The following AMOTL1 variants were observed in gnomAD, a reference collection of about 807,000 sequenced individuals.
AMOTL1 encodes angiomotin-like protein 1.
AMOTL1 carries 45 observed loss-of-function variants against 102.9 expected under a neutral mutation model. The observed-to-expected ratio is 0.44, with a 90% confidence interval of 0.34 to 0.56. The LOEUF is 0.56. Ranked by LOEUF, AMOTL1 falls within the 20% of genes least tolerant of loss-of-function variation. The pLI is 0.01. For synonymous variants in AMOTL1, 481 were observed against 484.7 expected (o/e 0.99, Z 0.10); for missense variants, 1,114 against 1,225.6 (o/e 0.91, Z 1.36).
At chr11:94,719,705 G>A (rs1591889012) in intron 1 of AMOTL1, among the ~76,000 whole-genome samples, 1 of 152,116 alleles carries the variant, frequency 6.6e-6, no homozygotes, top group East Asian at 1.9e-4. Context: ...TGATGAGTGA[G>A]CCTTCTCACT....
chr11:94,709,401 T>A (rs1403909537), intron 1 of AMOTL1, among the ~76,000 whole-genome samples: 1 of 152,214 alleles, frequency 6.6e-6, no homozygotes, highest in Non-Finnish European at 1.5e-5. Context: ...GTTTGCCAAT[T>A]TTCATGGTGT....
intron 11 of AMOTL1, chr11:94,866,554 GTGTCT>G (rs1335093578): frequency 4.2e-6 from 1 of 239,942 alleles, no homozygotes; most frequent in Admixed American, 5.1e-5. Flanking sequence ...AGGGAGGACA[GTGTCT>G]GCCTGCTTTA....
chr11:94,801,858 CAT>C (rs1333551154), intron 3 of AMOTL1, among the ~76,000 whole-genome samples: 1 of 152,180 alleles, frequency 6.6e-6, no homozygotes, highest in Non-Finnish European at 1.5e-5. Flanking sequence ...ACAGAAAAGA[CAT>C]GTGGCCACTG....
At chr11:94,779,681 CAG>C (rs1951079466) in intron 1 of AMOTL1, among the ~76,000 whole-genome samples, 1 of 152,050 alleles carries the variant, frequency 6.6e-6, no homozygotes, top group Non-Finnish European at 1.5e-5. Flanking sequence ...CAGAATAGGA[CAG>C]AATCTCCAGA....
At chr11:94,747,402 C>T (rs976626461) in intron 3 of AMOTL1, among the ~76,000 whole-genome samples, 4 of 152,138 alleles carry the variant, frequency 2.6e-5, no homozygotes, top group African/African-American at 9.7e-5. Flanking sequence ...TGGGAGCCAC[C>T]AGGGCTAACT....
At position 94,872,171 on chromosome 11, in the gene AMOTL1, T is replaced by C. The variant is rs1953011229; in HGVS notation, c.*1376T>C. On this transcript the variant is annotated 3_prime_UTR_variant, in exon 13 of 13. Coordinates refer to ENST00000433060, the MANE Select transcript of AMOTL1 (RefSeq NM_130847.3). ...CCACGGAAAAGAGGCAGGAGTGTGT[T>C]AGGTGGTGGGTCCATTAGACCTCTG... 6.6e-6 allele frequency: 1 copy of C among 152,172 alleles called. No individual in the cohort carries two copies. Among genetic ancestry groups the C allele is most frequent in the South Asian group, 2.1e-4 (1 of 4,830 alleles). The allele number at this position is 152,172 out of a possible 1,614,324, so 9.4% of individuals were successfully genotyped here. A position where few individuals can be genotyped will look rare whatever the true frequency, so the allele number is the denominator to read the frequency against.
chr11:94,714,106 G>T (rs1950059048), intron 1 of AMOTL1, among the ~76,000 whole-genome samples: 1 of 151,974 alleles, frequency 6.6e-6, no homozygotes, highest in African/African-American at 2.4e-5. Context: ...ATGAGTGTTT[G>T]CTTGTTACAT....
chr11:94,740,958 T>C (rs1950515274), exon 3 of AMOTL1: 1 of 1,289,026 alleles, frequency 7.8e-7, no homozygotes, highest in Non-Finnish European at 1.0e-6. Context: ...TGTGGAAGCC[T>C]CGCCCGCATC....
intron 3 of AMOTL1, among the ~76,000 whole-genome samples, chr11:94,801,679 C>T (rs1476791549): frequency 1.3e-5 from 2 of 152,120 alleles, no homozygotes; most frequent in South Asian, 4.2e-4. Context: ...GGAAATAGAA[C>T]TGACAGGGTT....
chr11:94,814,536 G>C (rs1951734370), intron 3 of AMOTL1, among the ~76,000 whole-genome samples: 1 of 152,150 alleles, frequency 6.6e-6, no homozygotes. Context: ...GTGTCAGAAG[G>C]GAACAGGACA....
intron 6 of AMOTL1, among the ~76,000 whole-genome samples, chr11:94,846,052 C>T (rs1441464254): frequency 1.3e-5 from 2 of 152,180 alleles, no homozygotes; most frequent in Non-Finnish European, 2.9e-5. Context: ...CTTGTTATCT[C>T]CCGAAGGATG....
chr11:94,857,453 A>G (rs939484556), intron 8 of AMOTL1, among the ~76,000 whole-genome samples: 1 of 152,208 alleles, frequency 6.6e-6, no homozygotes, highest in Non-Finnish European at 1.5e-5. Flanking sequence ...GGACTAGCAG[A>G]AAGAAAAGCT....
intron 3 of AMOTL1, among the ~76,000 whole-genome samples, chr11:94,821,152 T>A (rs1000520335): frequency 4.6e-5 from 7 of 152,192 alleles, no homozygotes; most frequent in Non-Finnish European, 1.0e-4. Flanking sequence ...AGAGACTCCT[T>A]CTCTGCTCTC....
At chr11:94,774,462 G>A (rs1305011695) in intron 1 of AMOTL1, among the ~76,000 whole-genome samples, 1 of 152,196 alleles carries the variant, frequency 6.6e-6, no homozygotes, top group Non-Finnish European at 1.5e-5. Context: ...CAGGGCTGAT[G>A]TCACCAGGCC....
intron 1 of AMOTL1, among the ~76,000 whole-genome samples, chr11:94,779,076 C>T (rs950406236): frequency 2.0e-5 from 3 of 152,146 alleles, no homozygotes; most frequent in Non-Finnish European, 4.4e-5. Context: ...GATGTAGACC[C>T]ACCTTTCCAC....
intron 2 of AMOTL1, among the ~76,000 whole-genome samples, chr11:94,736,462 G>C (rs1950440124): frequency 6.6e-6 from 1 of 152,072 alleles, no homozygotes; most frequent in African/African-American, 2.4e-5. Context: ...ATGTTGGCCA[G>C]GCTGCTTTTG....
chr11:94,830,204 T>C lies in AMOTL1; in HGVS notation c.1558+10T>C. On this transcript the variant is annotated intron_variant, in intron 5 of 12. Coordinates refer to ENST00000433060, the MANE Select transcript of AMOTL1 (RefSeq NM_130847.3). ...AACAGAGACCTCCGAGGCAGGTTTA[T>C]TCATGTTCTCTCTATCTAAACTACC... 6.3e-7 allele frequency: 1 copy of C among 1,591,440 alleles called. No individual in the cohort carries two copies. Among genetic ancestry groups the C allele is most frequent in the Non-Finnish European group, 8.5e-7 (1 of 1,171,356 alleles).
chr11:94,811,626 A>G (rs1198446313), intron 3 of AMOTL1, among the ~76,000 whole-genome samples: 4 of 151,556 alleles, frequency 2.6e-5, no homozygotes, highest in African/African-American at 9.7e-5. Flanking sequence ...TTTCCCTTGG[A>G]TTTGATCAAG....
chr11:94,865,968 T>C lies in AMOTL1; in HGVS notation c.2288T>C (p.Ile763Thr), dbSNP rs1565388181. The change falls in exon 11 of 13, where the codon ATA (isoleucine) becomes ACA (threonine). Residue 763 changes from isoleucine (I) to threonine (T), a missense_variant. Transcript: ENST00000433060. ...YTIKNLHAKI[I>T]EKDAMIKVLQ... is the part of the protein sequence containing the mutation. Reference sequence around the variant, plus strand: ...ATTAAAAATCTCCATGCCAAAATCATAGAGAAAGATGCTATGATTAAGGTC... The same window carrying C: ...ATTAAAAATCTCCATGCCAAAATCACAGAGAAAGATGCTATGATTAAGGTC... The C allele has an allele frequency of 1.2e-6, 2 of 1,613,828 alleles. No individual in the cohort carries two copies. Among genetic ancestry groups the C allele is most frequent in the Non-Finnish European group, 1.7e-6 (2 of 1,179,848 alleles).
Sources: allele counts gnomAD v4.1 joint callset (sites outside exome capture counted in the v4.1 genomes callset), GRCh38; gene constraint gnomAD v4.1.1; transcripts MANE v1.5; gene names NCBI Gene and HGNC (gene_info 2026-07-23, HGNC 2026-07-21).